The following PDXDC1 variants were observed in gnomAD, a reference collection of about 807,000 sequenced individuals.
PDXDC1 encodes the protein pyridoxal dependent decarboxylase domain containing 1.
PDXDC1 carries 42 observed loss-of-function variants against 100.1 expected under a neutral mutation model. That is an observed-to-expected ratio of 0.42 (90% confidence interval 0.33 to 0.54). The LOEUF (loss-of-function observed/expected upper bound fraction) is 0.54, where lower values mean the gene tolerates loss of function less well. Among genes scored for constraint, PDXDC1 ranks in the 20% least tolerant of loss-of-function variants. PDXDC1 has a pLI of 0.10. For missense variants in PDXDC1, 636 were observed against 979.2 expected (o/e 0.65, Z 4.68); for synonymous variants, 260 against 371.7 (o/e 0.70, Z 3.46).
At chr16:15,023,112 G>A (rs1283002424) in intron 13 of PDXDC1, among the ~76,000 whole-genome samples, 1 of 152,300 alleles carries the variant, frequency 6.6e-6, no homozygotes. Context: ...AAGTCACTTT[G>A]TGCCTCAGAA....
intron 16 of PDXDC1, among the ~76,000 whole-genome samples, chr16:15,089,811 A>AAAAAAAAAAC (rs1555463212): frequency 7.5e-6 from 1 of 132,882 alleles, no homozygotes; most frequent in Non-Finnish European, 1.7e-5. Flanking sequence ...AAAAAAAAAA[A>AAAAAAAAAAC]CAGATTAAAG....
chr16:15,102,466 CAA>C (rs1567247646), intron 16 of PDXDC1, among the ~76,000 whole-genome samples: 1 of 149,682 alleles, frequency 6.7e-6, no homozygotes, highest in South Asian at 2.1e-4. Flanking sequence ...ACAGTGTGGG[CAA>C]AGTCAGGAAG....
At chr16:15,095,589 C>T (rs925519806) in intron 16 of PDXDC1, among the ~76,000 whole-genome samples, 2 of 152,156 alleles carry the variant, frequency 1.3e-5, no homozygotes, top group Admixed American at 6.6e-5. Flanking sequence ...CAGTGGCTCA[C>T]GCCTGTTATC....
chr16:15,131,512 T>A, intron 16 of PDXDC1: 1 of 1,608,722 alleles, frequency 6.2e-7, no homozygotes, highest in African/African-American at 1.3e-5. Context: ...GTCCGAGCGC[T>A]TGCCCTGGGC....
chr16:15,124,751 G>A (rs938104439), intron 16 of PDXDC1, among the ~76,000 whole-genome samples: 6 of 151,890 alleles, frequency 4.0e-5, no homozygotes, highest in Admixed American at 1.3e-4. Context: ...CAGCCTAGGC[G>A]ACAGAGCGAG....
Position 15,037,422 on chromosome 16 carries a change from A to G in PDXDC1, c.*1147A>G, listed in dbSNP as rs1244525995. The G allele has an allele frequency of 6.6e-6, 1 of 152,270 alleles. No individual in the cohort carries two copies. The allele number at this position is 152,270 out of a possible 1,614,324, so 9.4% of individuals were successfully genotyped here. On this transcript the variant is annotated 3_prime_UTR_variant, in exon 23 of 23. Transcript: ENST00000396410. ...GCCTTAGTTATAGTATATTAAGCCT[A>G]TAATTATACTCTGATTTGATGGGAT...
intron 12 of PDXDC1, among the ~76,000 whole-genome samples, chr16:15,021,932 T>A (rs2042241087): frequency 6.6e-6 from 1 of 152,304 alleles, no homozygotes; most frequent in Non-Finnish European, 1.5e-5. Context: ...TCTCATTTGA[T>A]CCCTGCAACT....
chr16:14,993,921 T>G (rs1471365291), intron 1 of PDXDC1, among the ~76,000 whole-genome samples: 10 of 152,300 alleles, frequency 6.6e-5, no homozygotes, highest in African/African-American at 2.4e-4. Flanking sequence ...TCATGTGTCT[T>G]TTGGCTGCAT....
intron 16 of PDXDC1, chr16:15,137,140 G>A: frequency 1.4e-6 from 1 of 711,888 alleles, no homozygotes; most frequent in Non-Finnish European, 2.5e-6. Flanking sequence ...CCTCGGGGGA[G>A]CCGTCTCCGA....
chr16:15,087,806 A>C (rs2045967383), intron 16 of PDXDC1, among the ~76,000 whole-genome samples: 1 of 152,228 alleles, frequency 6.6e-6, no homozygotes, highest in Non-Finnish European at 1.5e-5. Context: ...ATAACATTTA[A>C]ACTGTACCAT....
chr16:14,999,670 T>C (rs1972739890), intron 3 of PDXDC1, among the ~76,000 whole-genome samples: 1 of 152,382 alleles, frequency 6.6e-6, no homozygotes, highest in Non-Finnish European at 1.5e-5. Context: ...TGATAAGATT[T>C]ATTGTTTTCA....
intron 16 of PDXDC1, chr16:15,125,464 C>G: frequency 1.1e-6 from 1 of 897,908 alleles, no homozygotes; most frequent in Non-Finnish European, 1.9e-6. Context: ...CCACAGACAC[C>G]CAGCAAGGAC....
chr16:15,021,513 A>G (rs2042206630), intron 12 of PDXDC1, among the ~76,000 whole-genome samples: 1 of 152,296 alleles, frequency 6.6e-6, no homozygotes. Context: ...AAGCCTTAGT[A>G]ACTTAGTTTA....
Position 15,036,140 on chromosome 16 carries a change from C to G in PDXDC1, c.2232C>G (p.Leu744=), listed in dbSNP as rs748794793. 6.2e-7 allele frequency: 1 copy of G among 1,614,006 alleles called. No homozygotes were observed. The change falls in exon 23 of 23, where the codon CTC becomes CTG. Residue 744 remains leucine, a synonymous_variant. Transcript: ENST00000396410. Reference sequence around the variant, plus strand: ...CCAGTGGGCCGGAGCAGATCACCCTCGAGGCCAGCAGCACTGAGGGACACC... The same window carrying G: ...CCAGTGGGCCGGAGCAGATCACCCTGGAGGCCAGCAGCACTGAGGGACACC... ...RLSSGPEQIT[L]EASSTEGHPG... is the part of the protein sequence containing the mutation.
At chr16:15,031,658 G>C in intron 16 of PDXDC1, 77 bp from the exon 17 acceptor site, 1 of 1,312,238 alleles carries the variant, frequency 7.6e-7, no homozygotes, top group Non-Finnish European at 1.1e-6. Flanking sequence ...GACCTTCCCA[G>C]TAGTGGAAGA....
intron 1 of PDXDC1, among the ~76,000 whole-genome samples, chr16:14,979,392 C>A (rs1426888083): frequency 6.6e-6 from 1 of 152,268 alleles, no homozygotes; most frequent in Non-Finnish European, 1.5e-5. Flanking sequence ...CGGGTTCAAG[C>A]GATTCTCCTG....
At chr16:15,034,143 T>A (rs2043245711) in intron 19 of PDXDC1, 143 bp from the exon 20 acceptor site, 1 of 666,622 alleles carries the variant, frequency 1.5e-6, no homozygotes, top group Non-Finnish European at 2.6e-6. Context: ...TGTCTTTGAG[T>A]TTCTGTTCGT....
At chr16:15,072,824 GACTAGC>G (rs2045293944) in intron 16 of PDXDC1, 1 of 933,672 alleles carries the variant, frequency 1.1e-6, no homozygotes, top group African/African-American at 1.7e-5. Context: ...TTATTAAGCA[GACTAGC>G]AAGTAAGCTC....
chr16:15,040,901 G>A (rs2043786975), downstream of PDXDC1, among the ~76,000 whole-genome samples: 1 of 152,172 alleles, frequency 6.6e-6, no homozygotes, highest in African/African-American at 2.4e-5. Context: ...AAAGCTTAGA[G>A]AAGTTAAGCT....
Sources: allele counts gnomAD v4.1 joint callset (sites outside exome capture counted in the v4.1 genomes callset), GRCh38; gene constraint gnomAD v4.1.1; transcripts MANE v1.5; gene names NCBI Gene and HGNC (gene_info 2026-07-23, HGNC 2026-07-21).